CD163: variants seen among roughly 807,000 people sequenced by gnomAD.
CD163 encodes the protein scavenger receptor cysteine-rich type 1 protein M130.
CD163 carries 64 observed loss-of-function variants against 129.2 expected under a neutral mutation model. The observed-to-expected ratio is 0.50, with a 90% CI of 0.41 to 0.61. The LOEUF (loss-of-function observed/expected upper bound fraction) is 0.61, where lower values mean the gene tolerates loss of function less well. CD163 is among the 20% of genes least tolerant of loss of function. The pLI, the probability that CD163 is intolerant of heterozygous loss-of-function variation, is 0.00. For missense variants in CD163, 1,061 were observed against 1,377.9 expected, an observed-to-expected ratio of 0.77 and a Z score of 3.64; for synonymous variants, 446 against 478.5, an observed-to-expected ratio of 0.93 and a Z score of 0.89.
At chr12:7,481,931 G>A (rs1212579820) in intron 14 of CD163, among the ~76,000 whole-genome samples, 1 of 151,862 alleles carries the variant, frequency 6.6e-6, no homozygotes, top group Non-Finnish European at 1.5e-5. Context: ...AATTCTCTGA[G>A]CCTCTATGTT....
chr12:7,482,668 C>T lies in CD163; in HGVS notation c.3222G>A (p.Lys1074=), dbSNP rs756576369. 2.5e-6 allele frequency: 4 copies of T among 1,614,008 alleles called. No individual in the cohort carries two copies. Among genetic ancestry groups the T allele is most frequent in the Admixed American group, 1.7e-5 (1 of 59,998 alleles). Reference sequence around the variant, plus strand: ...CTGCAAGCCGCTGTCTCTGTCTTCGCTTTTTAGTCAAGAAGAATAATGCGA... The same window carrying T: ...CTGCAAGCCGCTGTCTCTGTCTTCGTTTTTTAGTCAAGAAGAATAATGCGA... The part of the protein sequence containing the change: ...IFVALFFLTK[K]RRQRQRLAVS... Residue 1074 remains lysine, a synonymous_variant, in exon 14 of 17, where the codon AAG becomes AAA. Coordinates refer to ENST00000432237, the MANE Select transcript of CD163 (RefSeq NM_203416.4).
intron 11 of CD163, among the ~76,000 whole-genome samples, chr12:7,484,086 C>A (rs1419354256): frequency 6.6e-6 from 1 of 151,540 alleles, no homozygotes; most frequent in East Asian, 1.9e-4. Flanking sequence ...GTGATCCGCC[C>A]ACCTCGGACT....
intron 16 of CD163, among the ~76,000 whole-genome samples, chr12:7,472,790 C>T (rs1033186796): frequency 1.3e-5 from 2 of 152,164 alleles, no homozygotes; most frequent in Non-Finnish European, 2.9e-5. Flanking sequence ...GCTAAAGGAG[C>T]ATGTTCTAAC....
intron 4 of CD163, among the ~76,000 whole-genome samples, chr12:7,498,649 G>T: frequency 6.6e-6 from 1 of 151,696 alleles, no homozygotes; most frequent in East Asian, 1.9e-4. Context: ...TTATGACCTG[G>T]ATCTCAGTTT....
intron 6 of CD163, among the ~76,000 whole-genome samples, chr12:7,493,751 T>A (rs917684280): frequency 2.0e-5 from 3 of 151,894 alleles, no homozygotes; most frequent in African/African-American, 7.3e-5. Context: ...TTAGGAAATC[T>A]GAAGAGAATT....
At chr12:7,499,769 AAGAAGGAGG>A (rs1232991920) in intron 3 of CD163, among the ~76,000 whole-genome samples, 2 of 152,150 alleles carry the variant, frequency 1.3e-5, no homozygotes, top group Non-Finnish European at 2.9e-5. Flanking sequence ...AATAAGAGGA[AAGAAGGAGG>A]AGAAGGAGGA....
chr12:7,481,364 C>A (rs963270905), intron 14 of CD163, 108 bp from the exon 15 acceptor site: 35 of 750,494 alleles, frequency 4.7e-5, no homozygotes, highest in South Asian at 4.3e-4. Context: ...TTTATCCCTG[C>A]TATTGTTTCT....
chr12:7,481,420 A>G (rs1055395898), intron 14 of CD163, among the ~76,000 whole-genome samples, 164 bp from the exon 15 acceptor site: 1 of 152,186 alleles, frequency 6.6e-6, no homozygotes, highest in African/African-American at 2.4e-5. Context: ...CCGCACACTC[A>G]AATGAAATAG....
At chr12:7,473,006 A>C (rs1211667224) in intron 16 of CD163, 5 of 152,204 alleles carry the variant, frequency 3.3e-5, no homozygotes, top group Non-Finnish European at 5.9e-5. Context: ...GAAAAAAGGA[A>C]TGAAGACAAG....
intron 11 of CD163, 113 bp downstream of exon 11, chr12:7,484,983 A>G (rs777660769): frequency 2.1e-5 from 20 of 941,426 alleles, no homozygotes; most frequent in Non-Finnish European, 3.2e-5. Context: ...GCTTAATTCA[A>G]TCTAACAATT....
intron 11 of CD163, 152 bp from the exon 12 acceptor site, chr12:7,483,827 A>G (rs796868790): frequency 1.5e-3 from 61 of 40,486 alleles, no homozygotes; most frequent in South Asian, 9.5e-3. Context: ...ATATATATGT[A>G]TATATATATA....
At chr12:7,490,919 G>A (rs1333061930) in intron 6 of CD163, among the ~76,000 whole-genome samples, 2 of 151,908 alleles carry the variant, frequency 1.3e-5, no homozygotes, top group East Asian at 1.9e-4. Flanking sequence ...GAGTGGGATG[G>A]TCTTTCATTT....
chr12:7,483,825 G>GTATATATATATATATATATATATATA (rs746624782), intron 11 of CD163, 150 bp from the exon 12 acceptor site: 2 of 68,392 alleles, frequency 2.9e-5, no homozygotes, highest in African/African-American at 8.9e-5. Context: ...ATATATATAT[G>GTATATATATATATATATATATATATA]TATATATATA....
intron 16 of CD163, among the ~76,000 whole-genome samples, chr12:7,478,706 C>T (rs1949121311): frequency 6.6e-6 from 1 of 151,854 alleles, no homozygotes; most frequent in African/African-American, 2.4e-5. Flanking sequence ...CAACTCTTAT[C>T]CTTTGTCTTA....
At chr12:7,481,119 A>C (rs773523728) in intron 15 of CD163, 42 bp downstream of exon 15, 1 of 1,602,048 alleles carries the variant, frequency 6.2e-7, no homozygotes, top group Non-Finnish European at 8.5e-7. Flanking sequence ...GCAGCCACTG[A>C]TCTGAACCCC....
chr12:7,487,291 C>G lies in CD163; in HGVS notation c.2050+68G>C. 2 of 1,473,856 alleles carry G rather than the reference C, an allele frequency of 1.4e-6. No individual in the cohort carries two copies. The highest frequency in any genetic ancestry group is 1.8e-6 in the Non-Finnish European group (2 of 1,103,498). 91.3% of individuals were successfully genotyped at this position (1,473,856 alleles called of 1,614,324 possible). ...CTTCAAAATGGATCACTGCGTTTTACTTTTGTTCTTCATCCCTATGTACAC... is the reference window on the plus strand; with the variant it reads ...CTTCAAAATGGATCACTGCGTTTTAGTTTTGTTCTTCATCCCTATGTACAC... On this transcript the variant is annotated intron_variant, in intron 8 of 16. Coordinates refer to ENST00000432237, the MANE Select transcript of CD163 (RefSeq NM_203416.4). This position sits in a 1 kb window ranked among gnomAD's most constrained non-coding sequence, Gnocchi z 5.1.
intron 2 of CD163, 90 bp from the exon 3 acceptor site, chr12:7,501,552 C>T (rs1388959269): frequency 5.1e-6 from 5 of 982,944 alleles, no homozygotes; most frequent in Non-Finnish European, 7.8e-6. Context: ...ATCCTTCAAA[C>T]TCAGATTTGA....
rs1226567647 is a variant in CD163 at position 7,487,890 on chromosome 12, T to G, written c.1618A>C (p.Ile540Leu). The change falls in exon 7 of 17, where the codon ATC (isoleucine) becomes CTC (leucine). Residue 540 changes from isoleucine to leucine, a missense_variant. Ile to Leu is a conservative substitution (Grantham distance 5). Coordinates refer to ENST00000432237, the MANE Select transcript of CD163 (RefSeq NM_203416.4). The surrounding 1 kb of genome is among the most constrained non-coding windows in gnomAD (Gnocchi z 5.1). ...TCACACTGGAATTCTTCAGCCCAGA[T>G]CTGTCCATTTCCCTCTCCAAAGTGA... Reference protein sequence around the residue: ...GAHFGEGNGQIWAEEFQCEGH... With the variant: ...GAHFGEGNGQLWAEEFQCEGH... 1.9e-6 allele frequency: 3 copies of G among 1,614,002 alleles called. No individual in the cohort carries two copies. The African/African-American group carries it at 4.0e-5, about 22-fold the overall frequency.
chr12:7,475,399 G>T (rs1215299189), intron 16 of CD163, among the ~76,000 whole-genome samples: 2 of 152,116 alleles, frequency 1.3e-5, no homozygotes, highest in African/African-American at 4.8e-5. Flanking sequence ...CCACAATCAA[G>T]TTGGCATCAT....
Sources: allele counts gnomAD v4.1 joint callset (sites outside exome capture counted in the v4.1 genomes callset), GRCh38; gene constraint gnomAD v4.1.1; non-coding constraint Gnocchi (gnomAD v3.1); transcripts MANE v1.5; gene names NCBI Gene and HGNC (gene_info 2026-07-23, HGNC 2026-07-21).